Variants in RAD51B observed in about 807,000 individuals in gnomAD.
RAD51B encodes the protein DNA repair protein RAD51 homolog 2.
RAD51B carries 38 observed loss-of-function variants against 42.2 expected under a neutral mutation model. The observed-to-expected ratio is 0.90, with a 90% CI of 0.70 to 1.18. RAD51B has a LOEUF of 1.18. RAD51B is among the 50% of genes most tolerant of loss of function. The pLI is 0.00. For synonymous variants in RAD51B, 154 were observed against 145.2 expected (o/e 1.06, Z -0.43); for missense variants, 373 against 400.7 (o/e 0.93, Z 0.59).
chr14:68,541,202 C>G (rs1594956557), intron 10 of RAD51B: 1 of 985,336 alleles, frequency 1.0e-6, no homozygotes, highest in Non-Finnish European at 1.2e-6. Flanking sequence ...GATCCTTTCT[C>G]TGCTCAGCTC....
At chr14:67,871,518 A>G (rs890179195) in intron 5 of RAD51B, among the ~76,000 whole-genome samples, 9 of 152,168 alleles carry the variant, frequency 5.9e-5, no homozygotes, top group Admixed American at 2.6e-4. Context: ...ACAAGGAGGA[A>G]CTGGTACCAT....
intron 7 of RAD51B, among the ~76,000 whole-genome samples, chr14:68,079,731 C>G (rs1362840925): frequency 1.3e-5 from 2 of 152,048 alleles, no homozygotes; most frequent in African/African-American, 4.8e-5. Context: ...TATATTTTTT[C>G]TCACTGCATA....
At chr14:68,139,034 AT>A (rs35729915) in intron 7 of RAD51B, among the ~76,000 whole-genome samples, 51 of 151,538 alleles carry the variant, frequency 3.4e-4, no homozygotes, top group African/African-American at 9.2e-4. Context: ...GATAAAGATG[AT>A]TTTTTTTTGT....
At chr14:68,402,637 A>C (rs2084141522) in intron 8 of RAD51B, among the ~76,000 whole-genome samples, 1 of 152,240 alleles carries the variant, frequency 6.6e-6, no homozygotes, top group Non-Finnish European at 1.5e-5. Context: ...TGCTATCAGC[A>C]AAAGAACCCA....
At chr14:68,304,211 T>C (rs1479227441) in intron 8 of RAD51B, among the ~76,000 whole-genome samples, 1 of 150,730 alleles carries the variant, frequency 6.6e-6, no homozygotes, top group East Asian at 1.9e-4. Context: ...ACAAGTGTTA[T>C]GTTCCTTTTG....
downstream of RAD51B, among the ~76,000 whole-genome samples, chr14:68,613,882 A>C (rs910664079): frequency 1.9e-4 from 29 of 152,240 alleles, no homozygotes; most frequent in Non-Finnish European, 8.8e-5. Flanking sequence ...TTTTGGAGTC[A>C]GAGAGGTTGG....
intron 7 of RAD51B, among the ~76,000 whole-genome samples, chr14:68,153,371 A>G (rs2078431723): frequency 6.6e-6 from 1 of 152,158 alleles, no homozygotes; most frequent in Non-Finnish European, 1.5e-5. Flanking sequence ...ACATTGATTT[A>G]CTGAATGGTA....
chr14:68,444,440 TTGTGTG>T (rs3837661), intron 9 of RAD51B, among the ~76,000 whole-genome samples: 298 of 150,090 alleles, frequency 2.0e-3, no homozygotes, highest in African/African-American at 5.5e-3. Flanking sequence ...GAATTGTGAA[TTGTGTG>T]TGTGTGTGTG....
intron 7 of RAD51B, among the ~76,000 whole-genome samples, chr14:68,258,538 G>C (rs2139530853): frequency 6.6e-6 from 1 of 152,098 alleles, no homozygotes; most frequent in South Asian, 2.1e-4. Context: ...TAATATGTTA[G>C]TGTAACCGTG....
rs187147165 is a variant in RAD51B, at chr14:68,433,810, G to C, written c.957+22283G>C. ...GGCGAGGAGCTGCGTTCCTTTGGAG[G>C]GGGAGAGGCACTCTGATTTTTAGAA... is the stretch of plus-strand genomic sequence containing the variant. On this transcript the variant is annotated intron_variant, in intron 9 of 10. Transcript: ENST00000471583. 3.0e-3 allele frequency among the ~76,000 whole-genome samples: 460 copies of C among 152,322 alleles called. 2 individuals carry two copies. The highest frequency in any genetic ancestry group is 0.01 in the African/African-American group (436 of 41,560).
intron 7 of RAD51B, among the ~76,000 whole-genome samples, chr14:68,196,055 T>G (rs1005234718): frequency 1.1e-4 from 16 of 151,286 alleles, no homozygotes; most frequent in African/African-American, 3.9e-4. Flanking sequence ...TACAAAAAGA[T>G]TAGCTGGGCG....
At chr14:68,628,380 G>T (rs1204990742) in intron 10 of RAD51B, 3 of 152,288 alleles carry the variant, frequency 2.0e-5, no homozygotes, top group African/African-American at 7.2e-5. Flanking sequence ...CAGAACCCGA[G>T]CGCACAGGTC....
rs956887054 is a variant in RAD51B, at chr14:67,890,220, A to G, written c.756+3016A>G. Among the ~76,000 whole-genome samples the G allele has an allele frequency of 3.3e-5, 5 of 152,150 alleles. No individual in the cohort carries two copies. In the East Asian group the frequency reaches 9.6e-4, roughly 29 times the overall value. On this transcript the variant is annotated intron_variant, in intron 7 of 10. Coordinates refer to ENST00000471583, the MANE Select transcript of RAD51B (RefSeq NM_133510.4). ...TTATGTATCAGATTAAAATAATAGG[A>G]TGTTTTTGCCAGAAAGGACCTTAAA... is the stretch of plus-strand genomic sequence containing the variant.
intron 5 of RAD51B, among the ~76,000 whole-genome samples, chr14:67,866,231 T>G (rs1464042493): frequency 6.6e-6 from 1 of 152,220 alleles, no homozygotes; most frequent in African/African-American, 2.4e-5. Flanking sequence ...TGCTGTGTGA[T>G]TAACTTATTT....
chr14:68,425,979 C>CTTT (rs1555408046), intron 9 of RAD51B, among the ~76,000 whole-genome samples: 632 of 58,634 alleles, frequency 0.011, 5 homozygotes, highest in Admixed American at 0.012. Flanking sequence ...TTTCTTTCTT[C>CTTT]CTTCCTTCCT....
intron 7 of RAD51B, among the ~76,000 whole-genome samples, chr14:67,911,662 A>G (rs1216901565): frequency 6.6e-6 from 1 of 152,092 alleles, no homozygotes; most frequent in African/African-American, 2.4e-5. Flanking sequence ...TTATTTTTAG[A>G]TGAAACCTAA....
chr14:68,540,938 G>A (rs1158553601), intron 10 of RAD51B: 2 of 985,450 alleles, frequency 2.0e-6, no homozygotes, highest in Non-Finnish European at 2.4e-6. Context: ...GGCAGGGCAT[G>A]CTTTCTTCAC....
At chr14:67,951,556 A>G (rs967657319) in intron 7 of RAD51B, among the ~76,000 whole-genome samples, 1 of 152,210 alleles carries the variant, frequency 6.6e-6, no homozygotes, top group Non-Finnish European at 1.5e-5. Flanking sequence ...TTTAAGTTAC[A>G]AAGTTGGAAC....
chr14:68,521,517 C>A (rs1467650106), intron 10 of RAD51B, among the ~76,000 whole-genome samples: 1 of 152,212 alleles, frequency 6.6e-6, no homozygotes, highest in Non-Finnish European at 1.5e-5. Context: ...AGGAAGAGAG[C>A]AAATAAACCA....
Sources: allele counts gnomAD v4.1 joint callset (sites outside exome capture counted in the v4.1 genomes callset), GRCh38; gene constraint gnomAD v4.1.1; transcripts MANE v1.5; gene names NCBI Gene and HGNC (gene_info 2026-07-23, HGNC 2026-07-21).